DHRS9: variants seen among roughly 807,000 people sequenced by gnomAD.
The protein encoded by DHRS9 is dehydrogenase/reductase 9.
A neutral mutation model predicts 26.6 loss-of-function variants in DHRS9; 18 were observed. The ratio of observed to expected loss-of-function variants is 0.68; its 90% CI spans 0.47 to 1.00. The LOEUF (loss-of-function observed/expected upper bound fraction) is 1.00, where lower values mean the gene tolerates loss of function less well. Among genes scored for constraint, DHRS9 ranks in the 50% least tolerant of loss-of-function variants. DHRS9 has a pLI of 0.00. For missense variants in DHRS9, 425 were observed against 378.7 expected (o/e 1.12, Z -1.01); for synonymous variants, 134 against 141.1 (o/e 0.95, Z 0.36).
At chr2:169,077,311 CT>C (rs1159528803) in intron 1 of DHRS9, among the ~76,000 whole-genome samples, 8 of 152,212 alleles carry the variant, frequency 5.3e-5, no homozygotes, top group Non-Finnish European at 7.4e-5. Context: ...GTGAGAATAA[CT>C]TTTTTAACAC....
Position 169,095,854 on chromosome 2 carries a change from C to T in DHRS9, c.*87C>T. The T allele has an allele frequency of 8.3e-7, 1 of 1,205,248 alleles. No individual in the cohort carries two copies. The highest frequency in any genetic ancestry group is 1.2e-6 in the Non-Finnish European group (1 of 833,614). 74.7% of individuals were successfully genotyped at this position (1,205,248 alleles called of 1,614,324 possible). On this transcript the variant is annotated 3_prime_UTR_variant, in exon 5 of 5. Coordinates refer to ENST00000674881, the MANE Select transcript of DHRS9 (RefSeq NM_001376924.1). Reference sequence around the variant, plus strand: ...CCTTTTCAACCCCATTCCTTATCTGCTCCAACCTGGACTCATTTAGATCGT... The same window carrying T: ...CCTTTTCAACCCCATTCCTTATCTGTTCCAACCTGGACTCATTTAGATCGT...
At chr2:169,086,894 G>A (rs1684369053) in intron 3 of DHRS9, among the ~76,000 whole-genome samples, 1 of 152,178 alleles carries the variant, frequency 6.6e-6, no homozygotes, top group South Asian at 2.1e-4. Context: ...AGAGCTGGTG[G>A]AAGAGTGACA....
chr2:169,073,935 A>T (rs1368750402), intron 1 of DHRS9, among the ~76,000 whole-genome samples: 2 of 152,136 alleles, frequency 1.3e-5, no homozygotes, highest in African/African-American at 4.8e-5. Context: ...GACATTTGGC[A>T]TTATCTGGAG....
upstream of DHRS9, among the ~76,000 whole-genome samples, chr2:169,067,867 C>T (rs1340805654): frequency 2.0e-5 from 3 of 152,084 alleles, no homozygotes; most frequent in Non-Finnish European, 4.4e-5. Flanking sequence ...GGCTGTGGTG[C>T]CATATACTGA....
chr2:169,072,720 G>A (rs2105278875), intron 1 of DHRS9: 1 of 930,228 alleles, frequency 1.1e-6, no homozygotes. Flanking sequence ...TCCTTTCTTG[G>A]TTTCTTTTGA....
intron 1 of DHRS9, among the ~76,000 whole-genome samples, chr2:169,079,745 C>T (rs1259974953): frequency 6.6e-6 from 1 of 151,254 alleles, no homozygotes; most frequent in Non-Finnish European, 1.5e-5. Flanking sequence ...CTTGTAATCC[C>T]AGCTACTCAG....
intron 1 of DHRS9, among the ~76,000 whole-genome samples, chr2:169,080,038 A>AAAGC (rs1684132939): frequency 7.4e-6 from 1 of 134,806 alleles, no homozygotes; most frequent in Non-Finnish European, 1.6e-5. Flanking sequence ...AGAAAGAAAG[A>AAAGC]AAGAAAGAAA....
intron 3 of DHRS9, among the ~76,000 whole-genome samples, chr2:169,084,979 T>C (rs746923602): frequency 1.3e-5 from 2 of 152,198 alleles, no homozygotes; most frequent in Non-Finnish European, 2.9e-5. Context: ...TAGATTTAAG[T>C]CTTTAATCCA....
upstream of DHRS9, among the ~76,000 whole-genome samples, chr2:169,069,101 T>G (rs1012835699): frequency 2.6e-5 from 4 of 152,168 alleles, no homozygotes; most frequent in East Asian, 7.7e-4. Flanking sequence ...CATTTTATTA[T>G]GTTGTTTTTA....
intron 3 of DHRS9, among the ~76,000 whole-genome samples, chr2:169,085,930 C>T (rs1159744477): frequency 6.6e-6 from 1 of 152,130 alleles, no homozygotes; most frequent in Non-Finnish European, 1.5e-5. Context: ...TTTCTTTATA[C>T]TTGACCTTTG....
intron 4 of DHRS9, among the ~76,000 whole-genome samples, chr2:169,092,331 C>T (rs912499774): frequency 6.6e-6 from 1 of 152,196 alleles, no homozygotes; most frequent in Non-Finnish European, 1.5e-5. Flanking sequence ...CTTTGCCATA[C>T]CTCCTCTTTT....
upstream of DHRS9, among the ~76,000 whole-genome samples, chr2:169,067,742 C>T (rs968777326): frequency 4.7e-4 from 72 of 152,056 alleles, 1 homozygote; most frequent in Non-Finnish European, 1.0e-4. Flanking sequence ...CAACTTGGCA[C>T]TTGAGATATG....
chr2:169,069,419 A>G (rs541425435), upstream of DHRS9: 3 of 985,316 alleles, frequency 3.0e-6, no homozygotes, highest in African/African-American at 5.2e-5. Context: ...CTAAATTTAT[A>G]CTGCTGATTC....
intron 1 of DHRS9, among the ~76,000 whole-genome samples, chr2:169,079,956 A>C (rs1488206201): frequency 1.1e-5 from 1 of 87,688 alleles, no homozygotes; most frequent in African/African-American, 4.9e-5. Context: ...AGAGAGAGAG[A>C]GAGAGAGAGA....
At chr2:169,088,720 T>G (rs535090404) in intron 3 of DHRS9, among the ~76,000 whole-genome samples, 169 of 152,334 alleles carry the variant, frequency 1.1e-3, no homozygotes, top group Non-Finnish European at 1.6e-3. Context: ...CAAGTTTAAC[T>G]CCTTTTTACT....
chr2:169,078,815 C>CTTTTTTTTTTTTTTTTTTTTTTTTT (rs200691133), intron 1 of DHRS9, among the ~76,000 whole-genome samples: 11 of 110,366 alleles, frequency 1.0e-4, no homozygotes, highest in Non-Finnish European at 1.3e-4. Context: ...TATCAACTGA[C>CTTTTTTTTTTTTTTTTTTTTTTTTT]TTTTTTTTTT....
Position 169,071,655 on chromosome 2 carries a change from CA to C in DHRS9, c.-60+1939del, listed in dbSNP as rs1683808340. Among the ~76,000 whole-genome samples the C allele has an allele frequency of 5.3e-5, 8 of 152,248 alleles. No individual in the cohort carries two copies. In the South Asian group the frequency reaches 1.7e-3, roughly 32 times the overall value. On this transcript the variant is annotated intron_variant, in intron 1 of 4. Coordinates refer to ENST00000674881, the MANE Select transcript of DHRS9 (RefSeq NM_001376924.1). ...GCTGCCAAGGATTACCTCCTGCCCTCAGGGAAGCAGGAATCAAGGGCAAATG... is the reference window on the plus strand; with the variant it reads ...GCTGCCAAGGATTACCTCCTGCCCTCGGGAAGCAGGAATCAAGGGCAAATG...
In DHRS9 at chr2:169,095,639, A is replaced by C. The variant is rs1291442963; in HGVS notation, c.832A>C (p.Lys278Gln). 3.1e-6 allele frequency: 5 copies of C among 1,613,914 alleles called. No homozygotes were observed. ...MDHALTSLFP[K>Q]THYAAGKDAK... ...CCACGCTCTAACAAGTCTCTTCCCTAAGACTCATTATGCCGCTGGAAAAGA... is the reference window on the plus strand; with the variant it reads ...CCACGCTCTAACAAGTCTCTTCCCTCAGACTCATTATGCCGCTGGAAAAGA... Residue 278 changes from lysine to glutamine, a missense_variant, in exon 5 of 5, where the codon AAG (lysine) becomes CAG (glutamine). Physicochemically the swap from Lys to Gln is moderately conservative, Grantham distance 53. Transcript: ENST00000674881.
intron 1 of DHRS9, among the ~76,000 whole-genome samples, chr2:169,075,826 C>A (rs1421333931): frequency 6.6e-6 from 1 of 152,138 alleles, no homozygotes; most frequent in Non-Finnish European, 1.5e-5. Flanking sequence ...TGTGCCATCT[C>A]AGGGGGCATG....
Sources: allele counts gnomAD v4.1 joint callset (sites outside exome capture counted in the v4.1 genomes callset), GRCh38; gene constraint gnomAD v4.1.1; transcripts MANE v1.5; gene names NCBI Gene and HGNC (gene_info 2026-07-23, HGNC 2026-07-21).